CTNNA2: variants seen among roughly 807,000 people sequenced by gnomAD.
The protein encoded by CTNNA2 is catenin alpha 2, also known as catenin alpha-2.
CTNNA2 carries 42 observed loss-of-function variants against 101.0 expected under a neutral mutation model. That is an observed-to-expected ratio of 0.42 (90% CI 0.32 to 0.54). The LOEUF is 0.54. CTNNA2 is among the 20% of genes least tolerant of loss of function. CTNNA2 has a pLI of 0.14. For missense variants in CTNNA2, 871 were observed against 1,223.1 expected (o/e 0.71, Z 4.29); for synonymous variants, 450 against 456.4 (o/e 0.99, Z 0.18).
At chr2:80,639,788 A>G (rs1417275349) in intron 18 of CTNNA2, among the ~76,000 whole-genome samples, 2 of 152,188 alleles carry the variant, frequency 1.3e-5, no homozygotes, top group Non-Finnish European at 2.9e-5. Flanking sequence ...ATAAAAGCAT[A>G]AATGCAACAT....
At chr2:79,617,191 C>T (rs56703071) in intron 1 of CTNNA2, among the ~76,000 whole-genome samples, 121 of 152,252 alleles carry the variant, frequency 7.9e-4, no homozygotes, top group African/African-American at 2.5e-3. Context: ...TGTGAGCCAT[C>T]GCGTTCAGCC....
At chr2:80,550,344 G>C (rs988734973) in intron 11 of CTNNA2, among the ~76,000 whole-genome samples, 5 of 152,204 alleles carry the variant, frequency 3.3e-5, no homozygotes, top group Non-Finnish European at 1.5e-5. Context: ...ATGTTGATCA[G>C]AGTGGTGGTT....
chr2:80,590,529 A>G (rs1297113882), intron 15 of CTNNA2, among the ~76,000 whole-genome samples: 1 of 152,178 alleles, frequency 6.6e-6, no homozygotes, highest in African/African-American at 2.4e-5. Flanking sequence ...GGGAATGTCA[A>G]GACATCATCT....
intron 2 of CTNNA2, among the ~76,000 whole-genome samples, chr2:79,286,930 A>G (rs1362643367): frequency 6.6e-6 from 1 of 151,910 alleles, no homozygotes; most frequent in Non-Finnish European, 1.5e-5. Context: ...ATAGTCCCAT[A>G]TTTCTTGGAG....
chr2:80,065,905 C>T (rs968758030), intron 7 of CTNNA2, among the ~76,000 whole-genome samples: 1 of 152,156 alleles, frequency 6.6e-6, no homozygotes, highest in Non-Finnish European at 1.5e-5. Context: ...TTTCCTCTTT[C>T]CAATTCCTGA....
At chr2:80,117,914 G>T (rs184693295) in intron 7 of CTNNA2, among the ~76,000 whole-genome samples, 2 of 152,202 alleles carry the variant, frequency 1.3e-5, no homozygotes, top group South Asian at 4.2e-4. Context: ...TAGTCTAATC[G>T]TAACAATAAC....
intron 3 of CTNNA2, among the ~76,000 whole-genome samples, chr2:79,796,860 G>GAGTA (rs1675746765): frequency 6.6e-6 from 1 of 152,150 alleles, no homozygotes; most frequent in South Asian, 2.1e-4. Flanking sequence ...CTGTGGCCTG[G>GAGTA]AGTACTGTGT....
intron 2 of CTNNA2, among the ~76,000 whole-genome samples, chr2:79,293,706 T>G (rs1432045361): frequency 6.6e-6 from 1 of 152,170 alleles, no homozygotes; most frequent in African/African-American, 2.4e-5. Context: ...GGACATGTGT[T>G]TGATCCCTTA....
chr2:80,292,582 G>A (rs1347991315), intron 7 of CTNNA2, among the ~76,000 whole-genome samples: 1 of 152,158 alleles, frequency 6.6e-6, no homozygotes, highest in African/African-American at 2.4e-5. Context: ...CACTCCTATA[G>A]GTGGAGGTCA....
intron 7 of CTNNA2, among the ~76,000 whole-genome samples, chr2:80,346,138 T>C (rs1257560859): frequency 6.6e-6 from 1 of 152,212 alleles, no homozygotes; most frequent in Non-Finnish European, 1.5e-5. Context: ...TAGCATAATT[T>C]TACAAGGGGG....
chr2:79,217,609 A>T (rs1025242149), intron 2 of CTNNA2, among the ~76,000 whole-genome samples: 1 of 152,132 alleles, frequency 6.6e-6, no homozygotes, highest in African/African-American at 2.4e-5. Context: ...TTTCTTTTGT[A>T]GTGGAATGTC....
At chr2:80,529,542 T>G (rs1690341583) in intron 9 of CTNNA2, among the ~76,000 whole-genome samples, 1 of 152,230 alleles carries the variant, frequency 6.6e-6, no homozygotes, top group South Asian at 2.1e-4. Flanking sequence ...AGCCCTCTTT[T>G]GTTCTCTCCC....
chr2:80,212,635 G>A (rs1707973722), intron 7 of CTNNA2, among the ~76,000 whole-genome samples: 1 of 152,134 alleles, frequency 6.6e-6, no homozygotes, highest in Non-Finnish European at 1.5e-5. Flanking sequence ...TTTTATTGAG[G>A]ATTTTTGCAT....
At chr2:80,647,476 T>G in intron 18 of CTNNA2, 109 bp from the exon 19 acceptor site, 1 of 990,070 alleles carries the variant, frequency 1.0e-6, no homozygotes, top group East Asian at 2.5e-5. Flanking sequence ...TCAGCAATAC[T>G]ATTTATTTGC....
chr2:79,200,855 C>G (rs1674024863), intron 2 of CTNNA2, among the ~76,000 whole-genome samples: 1 of 151,822 alleles, frequency 6.6e-6, no homozygotes, highest in African/African-American at 2.4e-5. Flanking sequence ...CATATTTTAG[C>G]AAAGACAAAT....
At chr2:80,282,881 G>T (rs1674491667) in intron 7 of CTNNA2, among the ~76,000 whole-genome samples, 1 of 151,736 alleles carries the variant, frequency 6.6e-6, no homozygotes, top group Admixed American at 6.6e-5. Flanking sequence ...TTTTTTTTCA[G>T]AAAGAAGTAA....
At chr2:79,628,224 G>A (rs1395461459) in intron 1 of CTNNA2, among the ~76,000 whole-genome samples, 1 of 152,012 alleles carries the variant, frequency 6.6e-6, no homozygotes, top group Non-Finnish European at 1.5e-5. Context: ...GACCGAGGTG[G>A]GCAGATCACT....
Position 79,448,473 on chromosome 2 carries a change from A to T in CTNNA2, c.-134-56581A>T, listed in dbSNP as rs139901828. On this transcript the variant is annotated intron_variant, in intron 4 of 21. Transcript: ENST00000466387. ...GTGTTCAAAGAATTTTTATATTTTT[A>T]AAAATAATTCAGGTAAATACAAGGT... 1.7e-3 allele frequency among the ~76,000 whole-genome samples: 264 copies of T among 152,164 alleles called. 1 individual carries two copies. The highest frequency in any genetic ancestry group is 5.8e-3 in the African/African-American group (243 of 41,542).
At chr2:80,002,642 A>G (rs1693030642) in intron 7 of CTNNA2, among the ~76,000 whole-genome samples, 1 of 152,134 alleles carries the variant, frequency 6.6e-6, no homozygotes. Flanking sequence ...ATCCTACACT[A>G]GGAACAGGGA....
Sources: allele counts gnomAD v4.1 joint callset (sites outside exome capture counted in the v4.1 genomes callset), GRCh38; gene constraint gnomAD v4.1.1; transcripts MANE v1.5; gene names NCBI Gene and HGNC (gene_info 2026-07-23, HGNC 2026-07-21).